FBXO25: variants seen among roughly 807,000 people sequenced by gnomAD.
FBXO25 encodes the protein F-box only protein 25.
A neutral mutation model predicts 51.9 loss-of-function variants in FBXO25; 45 were observed. The ratio of observed to expected loss-of-function variants is 0.87; its 90% confidence interval spans 0.68 to 1.11. FBXO25 has a LOEUF of 1.11. Ranked by LOEUF, FBXO25 falls within the 50% of genes most tolerant of loss-of-function variation. FBXO25 has a pLI of 0.00. For synonymous variants in FBXO25, 199 were observed against 151.0 expected (o/e 1.32, Z -2.33); for missense variants, 507 against 428.5 (o/e 1.18, Z -1.62).
chr8:466,284 C>G (rs1018631652), intron 9 of FBXO25, among the ~76,000 whole-genome samples: 2 of 152,258 alleles, frequency 1.3e-5, no homozygotes, highest in East Asian at 3.9e-4. Context: ...GGGCCAAACC[C>G]AGATTGGAGT....
rs1476997269 is a variant in FBXO25, at chr8:476,912, ATTTG to A, written c.*8112_*8115del. On this transcript the variant is annotated 3_prime_UTR_variant, in exon 10 of 10. Coordinates refer to ENST00000350302, the MANE Select transcript of FBXO25 (RefSeq NM_183420.2). ...AATTTAGGGTTGACTTGAGATCTTA[ATTTG>A]TTTAATAGGTGTATTTACAGTTACA... is the stretch of plus-strand genomic sequence containing the variant. The A allele has an allele frequency of 5.9e-5, 9 of 151,962 alleles. No individual in the cohort carries two copies. Among genetic ancestry groups the A allele is most frequent in the African/African-American group, 1.9e-4 (8 of 41,352 alleles). The allele number at this position is 151,962 out of a possible 1,614,324, so 9.4% of individuals were successfully genotyped here.
chr8:431,480 G>C (rs1797817768), intron 3 of FBXO25, 36 bp downstream of exon 3: 1 of 1,096,044 alleles, frequency 9.1e-7, no homozygotes, highest in African/African-American at 1.6e-5. Flanking sequence ...TTTACTTGTT[G>C]ATTACGTTGA....
At chr8:430,542 TC>T (rs1285079785) in intron 2 of FBXO25, among the ~76,000 whole-genome samples, 8 of 152,124 alleles carry the variant, frequency 5.3e-5, no homozygotes, top group Non-Finnish European at 1.2e-4. Flanking sequence ...CAATTTTAGT[TC>T]CTTGGATTTG....
intron 5 of FBXO25, among the ~76,000 whole-genome samples, chr8:439,838 C>T (rs1322705965): frequency 6.6e-6 from 1 of 152,172 alleles, no homozygotes; most frequent in East Asian, 1.9e-4. Context: ...GAGGCTGAGG[C>T]AGGAGGATAA....
intron 7 of FBXO25, among the ~76,000 whole-genome samples, chr8:457,434 C>T (rs1015738839): frequency 2.6e-5 from 4 of 152,204 alleles, no homozygotes; most frequent in Admixed American, 1.3e-4. Context: ...CTGGCACGTG[C>T]ACACACATGT....
rs1356751458 is a variant in FBXO25 at position 472,896 on chromosome 8, C to CT, written c.*4093dup. Reference sequence around the variant, plus strand: ...GCCTTATGAAACTCGACTTTTTAATCTCCCTCTCTTCATTATGATGTGTGC... The same window carrying CT: ...GCCTTATGAAACTCGACTTTTTAATCTTCCCTCTCTTCATTATGATGTGTGC... On this transcript the variant is annotated 3_prime_UTR_variant, in exon 10 of 10. Coordinates refer to ENST00000350302, the MANE Select transcript of FBXO25 (RefSeq NM_183420.2). The CT allele has an allele frequency of 6.6e-6, 1 of 152,228 alleles. No individual in the cohort carries two copies. Among genetic ancestry groups the CT allele is most frequent in the African/African-American group, 2.4e-5 (1 of 41,462 alleles). 9.4% of individuals were successfully genotyped at this position (152,228 alleles called of 1,614,324 possible).
chr8:472,356 GACTGATTTCTATAT>G lies in FBXO25; in HGVS notation c.*3553_*3566del, dbSNP rs1800510283. On this transcript the variant is annotated 3_prime_UTR_variant, in exon 10 of 10. Coordinates refer to ENST00000350302, the MANE Select transcript of FBXO25 (RefSeq NM_183420.2). ...TAAGATCATGTGCTGTTATTACATT[GACTGATTTCTATAT>G]CTTGAACCAACCTTGCATTCTTGGG... is the stretch of plus-strand genomic sequence containing the variant. The G allele has an allele frequency of 6.6e-6, 1 of 152,160 alleles. No individual in the cohort carries two copies. Among genetic ancestry groups the G allele is most frequent in the Non-Finnish European group, 1.5e-5 (1 of 68,026 alleles). The allele number at this position is 152,160 out of a possible 1,614,324, so 9.4% of individuals were successfully genotyped here.
rs150110789 is a variant in FBXO25, at chr8:458,425, C to T, written c.717C>T (p.Ile239=). 3.1e-3 allele frequency: 4,997 copies of T among 1,614,218 alleles called. 7 individuals carry two copies. Among genetic ancestry groups the T allele is most frequent in the Non-Finnish European group, 3.9e-3 (4,635 of 1,180,030 alleles). Reference sequence around the variant, plus strand: ...TTCCTCTGCACATGCTGAACAACATCCTATACCGGTTCTCAGACGGATGGG... The same window carrying T: ...TTCCTCTGCACATGCTGAACAACATTCTATACCGGTTCTCAGACGGATGGG... ...SDLPLHMLNN[I]LYRFSDGWDI... is the part of the protein sequence containing the mutation. Residue 239 remains isoleucine (I), a synonymous_variant, in exon 8 of 10, where the codon ATC becomes ATT. Transcript: ENST00000350302.
intron 4 of FBXO25, among the ~76,000 whole-genome samples, chr8:433,726 C>T (rs1563075651): frequency 6.6e-6 from 1 of 152,166 alleles, no homozygotes; most frequent in Non-Finnish European, 1.5e-5. Flanking sequence ...TAGGGAATTA[C>T]TGTCTATCGT....
chr8:412,427 C>G (rs1490520069), intron 1 of FBXO25, among the ~76,000 whole-genome samples: 1 of 152,226 alleles, frequency 6.6e-6, no homozygotes, highest in Non-Finnish European at 1.5e-5. Flanking sequence ...TAAAGGTCAA[C>G]ATTCAGAAGC....
chr8:408,043 C>T (rs1796269515), intron 1 of FBXO25, among the ~76,000 whole-genome samples: 1 of 152,180 alleles, frequency 6.6e-6, no homozygotes, highest in Non-Finnish European at 1.5e-5. Context: ...TCTGTTTTCT[C>T]CTCGTCTTTA....
chr8:411,254 T>C (rs1796469806), intron 1 of FBXO25, among the ~76,000 whole-genome samples: 3 of 152,244 alleles, frequency 2.0e-5, no homozygotes, highest in Non-Finnish European at 4.4e-5. Context: ...TTTTCAACTC[T>C]TGCCATGCTT....
At chr8:438,106 G>C (rs1481669708) in intron 5 of FBXO25, among the ~76,000 whole-genome samples, 2 of 151,196 alleles carry the variant, frequency 1.3e-5, no homozygotes, top group Non-Finnish European at 2.9e-5. Flanking sequence ...CCAGGGTGGA[G>C]TGCAGTGGCA....
rs765494767 is a variant in FBXO25, at chr8:468,734, C to T, written c.1007C>T (p.Thr336Met). The T allele has an allele frequency of 8.1e-6, 13 of 1,613,842 alleles. No homozygotes were observed. Among genetic ancestry groups the T allele is most frequent in the East Asian group, 6.7e-5 (3 of 44,846 alleles). ...LFWKDSGHPC[T>M]AADPDSCFTP... ...CCACAGGACTCAGGACACCCCTGCA[C>T]GGCGGCCGACCCTGACAGCTGCTTC... The change falls in exon 10 of 10, where the codon ACG (threonine) becomes ATG (methionine). Residue 336 changes from threonine (T) to methionine (M), a missense_variant. Transcript: ENST00000350302.
chr8:475,402 A>T lies in FBXO25; in HGVS notation c.*6598A>T, dbSNP rs1309721458. On this transcript the variant is annotated 3_prime_UTR_variant, in exon 10 of 10. Transcript: ENST00000350302. ...AGACCTCCTACTTGGTTCCCTTTCA[A>T]GATGATTTTGGCTGTGTGAGGTCTC... 4 of 155,316 alleles carry T rather than the reference A, an allele frequency of 2.6e-5. No individual in the cohort carries two copies. Among genetic ancestry groups the T allele is most frequent in the African/African-American group, 9.7e-5 (4 of 41,396 alleles). 9.6% of individuals were successfully genotyped at this position (155,316 alleles called of 1,614,324 possible). A position where few individuals can be genotyped will look rare whatever the true frequency, so the allele number is the denominator to read the frequency against.
chr8:463,195 G>T lies in FBXO25; in HGVS notation c.987+45G>T, dbSNP rs758064074. The T allele has an allele frequency of 5.0e-6, 8 of 1,594,644 alleles. No homozygotes were observed. The African/African-American group carries it at 6.8e-5, about 13-fold the overall frequency. On this transcript the variant is annotated intron_variant, in intron 9 of 9. Transcript: ENST00000350302. Reference sequence around the variant, plus strand: ...CTTGGAATTTCAGGATTAAATTTTGGTGAAACAAACTAATCACCTATATTT... The same window carrying T: ...CTTGGAATTTCAGGATTAAATTTTGTTGAAACAAACTAATCACCTATATTT...
Position 476,562 on chromosome 8 carries a change from C to T in FBXO25, c.*7758C>T, listed in dbSNP as rs1800649457. The T allele has an allele frequency of 6.6e-6, 1 of 152,136 alleles. No homozygotes were observed. Among genetic ancestry groups the T allele is most frequent in the African/African-American group, 2.4e-5 (1 of 41,434 alleles). The allele number at this position is 152,136 out of a possible 1,614,324, so 9.4% of individuals were successfully genotyped here. ...ATAGGTCTGTTCAGATTTTCCATTT[C>T]TTCATGATTCAATCTTGATAGGCTG... On this transcript the variant is annotated 3_prime_UTR_variant, in exon 10 of 10. Coordinates refer to ENST00000350302, the MANE Select transcript of FBXO25 (RefSeq NM_183420.2).
rs764938455 is a variant in FBXO25 at position 432,914 on chromosome 8, C to G, written c.267C>G (p.Val89=). The change falls in exon 4 of 10, where the codon GTC becomes GTG. Residue 89 remains valine (V), a synonymous_variant. Coordinates refer to ENST00000350302, the MANE Select transcript of FBXO25 (RefSeq NM_183420.2). The part of the protein sequence containing the change: ...QSFYREKWIY[V]HKESTKERHG... Reference sequence around the variant, plus strand: ...TTTATCGTGAAAAATGGATCTATGTCCATAAAGAAAGCACAAAGGAAGTAA... The same window carrying G: ...TTTATCGTGAAAAATGGATCTATGTGCATAAAGAAAGCACAAAGGAAGTAA... The G allele has an allele frequency of 2.6e-6, 4 of 1,556,364 alleles. No individual in the cohort carries two copies. Among genetic ancestry groups the G allele is most frequent in the Non-Finnish European group, 2.6e-6 (3 of 1,155,192 alleles).
intron 5 of FBXO25, among the ~76,000 whole-genome samples, chr8:441,007 T>C (rs1373643787): frequency 6.8e-6 from 1 of 147,656 alleles, no homozygotes; most frequent in Admixed American, 6.8e-5. Flanking sequence ...TTTGGGTTGG[T>C]TCCAAGTCTT....
Sources: gnomAD v4.1 joint callset for allele counts (sites outside exome capture counted in the v4.1 genomes callset) on GRCh38, gnomAD v4.1.1 for gene constraint, MANE v1.5 for transcripts, NCBI Gene and HGNC (gene_info 2026-07-23, HGNC 2026-07-21) for gene names.